C7: variants seen among roughly 807,000 people sequenced by gnomAD.
The protein encoded by C7 is complement component C7.
Under a neutral mutation model 104.8 loss-of-function variants are expected in C7, and 83 were observed. That is an observed-to-expected ratio of 0.79 (90% CI 0.66 to 0.95). C7 has a LOEUF of 0.95. Ranked by LOEUF, C7 falls within the 40% of genes least tolerant of loss-of-function variation. The probability of loss-of-function intolerance (pLI) is 0.00; values close to 1 mark genes in which losing one functional copy is unlikely to be tolerated. For synonymous variants in C7, 415 were observed against 360.6 expected (o/e 1.15, Z -1.71); for missense variants, 1,070 against 1,011.2 (o/e 1.06, Z -0.79).
In C7 at chr5:40,983,093, A is replaced by G. The variant is rs1208119437; in HGVS notation, c.*1520A>G. On this transcript the variant is annotated 3_prime_UTR_variant, in exon 18 of 18. Transcript: ENST00000313164. The stretch of plus-strand genomic sequence containing the variant: ...TGCAGATATAATATGTTGAAGTTAC[A>G]AGGAGGCAGGTTTCAATTGGTTAAA... 6.6e-6 allele frequency among the ~76,000 whole-genome samples: 1 copy of G among 152,204 alleles called. No individual in the cohort carries two copies. The highest frequency in any genetic ancestry group is 1.5e-5 in the Non-Finnish European group (1 of 68,038).
intron 14 of C7, among the ~76,000 whole-genome samples, chr5:40,970,389 C>G (rs1353595878): frequency 6.6e-6 from 1 of 151,608 alleles, no homozygotes; most frequent in Non-Finnish European, 1.5e-5. Context: ...TTCTTTTTCT[C>G]TGTTCTTTTT....
intron 9 of C7, among the ~76,000 whole-genome samples, chr5:40,951,260 GA>G (rs1468847748): frequency 6.6e-6 from 1 of 152,096 alleles, no homozygotes; most frequent in Non-Finnish European, 1.5e-5. Flanking sequence ...TATATATTCT[GA>G]ATATTAGAGT....
intron 12 of C7, among the ~76,000 whole-genome samples, chr5:40,960,789 C>G (rs905157706): frequency 1.3e-5 from 2 of 152,128 alleles, no homozygotes; most frequent in African/African-American, 4.8e-5. Flanking sequence ...ACTGCTTTCT[C>G]TCAGATTTTG....
intron 1 of C7, among the ~76,000 whole-genome samples, chr5:40,922,843 T>G (rs545035203): frequency 1.3e-5 from 2 of 152,120 alleles, no homozygotes; most frequent in Non-Finnish European, 2.9e-5. Context: ...TGAATTAGAC[T>G]TAAATGTAAA....
At chr5:40,930,792 C>T (rs576670874) in intron 2 of C7, among the ~76,000 whole-genome samples, 12 of 152,100 alleles carry the variant, frequency 7.9e-5, no homozygotes, top group African/African-American at 2.4e-4. Context: ...TCTCGAACTC[C>T]TGACCTCAGG....
intron 15 of C7, among the ~76,000 whole-genome samples, chr5:40,974,387 G>GTTTTTT (rs34725318): frequency 3.0e-4 from 41 of 138,162 alleles, no homozygotes; most frequent in Admixed American, 1.6e-3. Context: ...TAATTCTATC[G>GTTTTTT]TTTTTTTTTT....
chr5:40,914,999 C>A (rs1739290162), intron 1 of C7, among the ~76,000 whole-genome samples: 1 of 152,116 alleles, frequency 6.6e-6, no homozygotes, highest in Non-Finnish European at 1.5e-5. Flanking sequence ...GAGTGCTTGA[C>A]TGCAGGATGA....
intron 4 of C7, among the ~76,000 whole-genome samples, chr5:40,934,738 A>G (rs1739778754): frequency 6.6e-6 from 1 of 152,158 alleles, no homozygotes. Context: ...AAAGTTCTTG[A>G]CAGTGTATTT....
rs113238052 is a variant in C7 at position 40,980,510 on chromosome 5, G to A, written c.2350+601G>A. On this transcript the variant is annotated intron_variant, in intron 17 of 17. Transcript: ENST00000313164. ...AGAAGAAGTTACTTTCTCACGTTGT[G>A]ATTCAATATTTGCTAACACTATGTT... 9.2e-3 allele frequency among the ~76,000 whole-genome samples: 1,400 copies of A among 152,308 alleles called. 49 individuals are homozygous for A. In the East Asian group the frequency reaches 0.13, roughly 14 times the overall value.
At chr5:40,939,508 C>T (rs1217369846) in intron 6 of C7, among the ~76,000 whole-genome samples, 1 of 152,118 alleles carries the variant, frequency 6.6e-6, no homozygotes, top group Non-Finnish European at 1.5e-5. Context: ...TTTATTTTTC[C>T]ATTACATTTT....
chr5:40,962,273 A>C lies in C7; in HGVS notation c.1749+101A>C, dbSNP rs533739953. 6.4e-6 allele frequency: 4 copies of C among 624,734 alleles called. No individual in the cohort carries two copies. The South Asian group carries it at 1.4e-4, about 22-fold the overall frequency. The allele number at this position is 624,734 out of a possible 1,614,324, so 38.7% of individuals were successfully genotyped here. A position where few individuals can be genotyped will look rare whatever the true frequency, so the allele number is the denominator to read the frequency against. On this transcript the variant is annotated intron_variant, in intron 13 of 17. Coordinates refer to ENST00000313164, the MANE Select transcript of C7 (RefSeq NM_000587.4). ...CTTCCTCCATGGTGAAGCCGTGCCA[A>C]AAATATTTTATATATGCATTTTAGT... is the stretch of plus-strand genomic sequence containing the variant.
chr5:40,914,902 G>C (rs1356040369), intron 1 of C7, among the ~76,000 whole-genome samples: 4 of 152,120 alleles, frequency 2.6e-5, no homozygotes, highest in African/African-American at 9.7e-5. Flanking sequence ...AGTTTGGCAG[G>C]ACACGGATGT....
At chr5:40,972,097 T>C (rs1173144573) in intron 14 of C7, 2 of 505,460 alleles carry the variant, frequency 4.0e-6, no homozygotes, top group Admixed American at 2.5e-5. Flanking sequence ...CTGTGAAAAG[T>C]TTGGTTTCAA....
At position 40,934,420 on chromosome 5, in the gene C7, A is replaced by T. The variant is rs1229583833; in HGVS notation, c.234A>T (p.Gly78=). Residue 78 remains glycine (G), a synonymous_variant, in exon 4 of 18, where the codon GGA becomes GGT. Transcript: ENST00000313164. ...FETQSCEPTR[G]CPTEEGCGER... ...CACAGTCCTGTGAACCTACAAGAGG[A>T]TGTCCAACAGAGGAGGGATGTGGAG... The T allele has an allele frequency of 3.1e-6, 5 of 1,613,780 alleles. No homozygotes were observed. In the Admixed American group the frequency reaches 8.3e-5, roughly 27 times the overall value.
At chr5:40,954,687 C>A (rs1195376213) in intron 9 of C7, among the ~76,000 whole-genome samples, 1 of 151,496 alleles carries the variant, frequency 6.6e-6, no homozygotes, top group African/African-American at 2.4e-5. Context: ...AGTTCGAGAC[C>A]AGTCTGGCCA....
Position 40,922,893 on chromosome 5 carries a change from A to G in C7, c.7-5687A>G, listed in dbSNP as rs7706615. Reference sequence around the variant, plus strand: ...AACAACTAGAAGAAAACATAGGGAAACAGCATAGATCAATGGTCTAGGCAA... The same window carrying G: ...AACAACTAGAAGAAAACATAGGGAAGCAGCATAGATCAATGGTCTAGGCAA... On this transcript the variant is annotated intron_variant, in intron 1 of 17. Transcript: ENST00000313164. Among the ~76,000 whole-genome samples, 1,127 of 152,284 alleles carry G rather than the reference A, an allele frequency of 7.4e-3. 18 individuals are homozygous for G. Among genetic ancestry groups the G allele is most frequent in the African/African-American group, 0.026 (1,082 of 41,562 alleles).
At position 40,955,448 on chromosome 5, in the gene C7, A is replaced by G. The variant is rs1740268566; in HGVS notation, c.1155A>G (p.Ile385Met). The G allele has an allele frequency of 6.2e-7, 1 of 1,613,384 alleles. No homozygotes were observed. Among genetic ancestry groups the G allele is most frequent in the East Asian group, 2.2e-5 (1 of 44,866 alleles). ...TCAGAGGGGGAGGTGCAGGCTTCATATCTGGCCTTAGTTACCTAGAGCTGG... is the reference window on the plus strand; with the variant it reads ...TCAGAGGGGGAGGTGCAGGCTTCATGTCTGGCCTTAGTTACCTAGAGCTGG... ...PFIRGGGAGF[I>M]SGLSYLELDN... is the part of the protein sequence containing the mutation. Residue 385 changes from isoleucine (I) to methionine (M), a missense_variant, in exon 10 of 18, where the codon ATA (isoleucine) becomes ATG (methionine). Ile to Met is a conservative substitution (Grantham distance 10). Coordinates refer to ENST00000313164, the MANE Select transcript of C7 (RefSeq NM_000587.4).
At chr5:40,967,151 C>T (rs915816064) in intron 14 of C7, among the ~76,000 whole-genome samples, 12 of 151,552 alleles carry the variant, frequency 7.9e-5, no homozygotes, top group East Asian at 3.9e-4. Flanking sequence ...CTGCAACCTC[C>T]GCCTCCTGGG....
chr5:40,974,388 T>TG (rs375071097), intron 15 of C7, among the ~76,000 whole-genome samples: 995 of 83,514 alleles, frequency 0.012, 16 homozygotes, highest in Admixed American at 0.074. Flanking sequence ...AATTCTATCG[T>TG]TTTTTTTTTT....
Sources: allele counts gnomAD v4.1 joint callset (sites outside exome capture counted in the v4.1 genomes callset), GRCh38; gene constraint gnomAD v4.1.1; transcripts MANE v1.5; gene names NCBI Gene and HGNC (gene_info 2026-07-23, HGNC 2026-07-21).